RGS7BP: variants seen among roughly 807,000 people sequenced by gnomAD.
RGS7BP encodes the protein regulator of G protein signaling 7-binding protein.
Under a neutral mutation model 31.3 loss-of-function variants are expected in RGS7BP, and 9 were observed. The observed-to-expected ratio is 0.29, with a 90% CI of 0.17 to 0.50. The LOEUF (loss-of-function observed/expected upper bound fraction) is 0.50, where lower values mean the gene tolerates loss of function less well. RGS7BP is among the 20% of genes least tolerant of loss of function. The pLI, the probability that RGS7BP is intolerant of heterozygous loss-of-function variation, is 0.98. For synonymous variants in RGS7BP, 115 were observed against 120.1 expected (o/e 0.96, Z 0.28); for missense variants, 274 against 322.0 (o/e 0.85, Z 1.14).
intron 4 of RGS7BP, 49 bp from the exon 5 acceptor site, chr5:64,598,316 A>G: frequency 9.1e-7 from 1 of 1,101,494 alleles, no homozygotes; most frequent in East Asian, 2.4e-5. Flanking sequence ...TTGAGATTTC[A>G]TTTTGAAAAT....
At chr5:64,552,736 C>T (rs1183491365) in intron 2 of RGS7BP, among the ~76,000 whole-genome samples, 1 of 152,072 alleles carries the variant, frequency 6.6e-6, no homozygotes, top group Non-Finnish European at 1.5e-5. Context: ...AATTTAGAGG[C>T]TTTTGATTCT....
intron 3 of RGS7BP, 40 bp from the exon 4 acceptor site, chr5:64,594,670 C>G: frequency 6.2e-7 from 1 of 1,610,024 alleles, no homozygotes; most frequent in East Asian, 2.2e-5. Context: ...TTTATGATTT[C>G]TTTTTCCTCT....
At chr5:64,558,509 C>G (rs559376234) in intron 2 of RGS7BP, among the ~76,000 whole-genome samples, 1 of 152,132 alleles carries the variant, frequency 6.6e-6, no homozygotes, top group Non-Finnish European at 1.5e-5. Flanking sequence ...CCTTCATAAG[C>G]TGAGGATGTA....
chr5:64,566,887 G>A (rs1742182386), intron 2 of RGS7BP, among the ~76,000 whole-genome samples: 1 of 152,014 alleles, frequency 6.6e-6, no homozygotes, highest in Non-Finnish European at 1.5e-5. Flanking sequence ...TTTCAGGCCT[G>A]TGTGGTCCAT....
intron 2 of RGS7BP, among the ~76,000 whole-genome samples, chr5:64,517,061 G>C (rs1748996850): frequency 6.6e-6 from 1 of 150,630 alleles, no homozygotes; most frequent in Admixed American, 6.6e-5. Flanking sequence ...ATTCGGAACT[G>C]GTACAGTGGC....
At chr5:64,559,792 C>A (rs1342560487) in intron 2 of RGS7BP, among the ~76,000 whole-genome samples, 2 of 152,116 alleles carry the variant, frequency 1.3e-5, no homozygotes, top group Non-Finnish European at 2.9e-5. Context: ...TATTTTAATA[C>A]TGTGTTGTTC....
chr5:64,516,439 G>A (rs571562870), intron 2 of RGS7BP, among the ~76,000 whole-genome samples: 14 of 152,214 alleles, frequency 9.2e-5, no homozygotes, highest in African/African-American at 3.1e-4. Context: ...ATCAGCTGTT[G>A]TAGTACGTCC....
intron 2 of RGS7BP, among the ~76,000 whole-genome samples, chr5:64,532,084 G>A (rs778845533): frequency 5.9e-5 from 9 of 151,890 alleles, no homozygotes; most frequent in East Asian, 3.9e-4. Flanking sequence ...GAAAGATTTC[G>A]TTTCATAAGT....
At chr5:64,591,938 A>G (rs1332292010) in intron 3 of RGS7BP, among the ~76,000 whole-genome samples, 3 of 152,208 alleles carry the variant, frequency 2.0e-5, no homozygotes, top group Non-Finnish European at 2.9e-5. Flanking sequence ...AAGATTACCT[A>G]TGAAGTTTGG....
In RGS7BP at chr5:64,556,850, G is replaced by GTTTT. The variant is rs1741941301; in HGVS notation, c.333-18923_333-18922insTTTT. Among the ~76,000 whole-genome samples, 2 of 151,862 alleles carry GTTTT rather than the reference G, an allele frequency of 1.3e-5. 1 individual carries two copies. Among genetic ancestry groups the GTTTT allele is most frequent in the South Asian group, 4.1e-4 (2 of 4,826 alleles). ...TCTCTGTGTGTGTGTGCCTCTGTGT[G>GTTTT]TGTAAAAGAAAGAATAGAGTGCTGA... On this transcript the variant is annotated intron_variant, in intron 2 of 5. Transcript: ENST00000334025.
At chr5:64,544,326 A>AT (rs1741595014) in intron 2 of RGS7BP, among the ~76,000 whole-genome samples, 1 of 152,102 alleles carries the variant, frequency 6.6e-6, no homozygotes, top group Non-Finnish European at 1.5e-5. Context: ...CTGGTTAGAG[A>AT]TTTTAGGGAG....
At chr5:64,599,542 G>A (rs1743166752) in intron 5 of RGS7BP, among the ~76,000 whole-genome samples, 1 of 152,162 alleles carries the variant, frequency 6.6e-6, no homozygotes, top group African/African-American at 2.4e-5. Context: ...CAGGGGTGGA[G>A]GTCAGAAAAT....
chr5:64,608,236 A>T (rs548401444), intron 5 of RGS7BP, among the ~76,000 whole-genome samples: 3 of 152,128 alleles, frequency 2.0e-5, no homozygotes, highest in Middle Eastern at 3.4e-3. Context: ...TGCCTCTGGG[A>T]CCCACATTGA....
At chr5:64,535,331 C>T (rs559626377) in intron 2 of RGS7BP, among the ~76,000 whole-genome samples, 176 of 152,246 alleles carry the variant, frequency 1.2e-3, no homozygotes, top group Middle Eastern at 3.4e-3. Context: ...CAAGTGTATA[C>T]ACTAGATGCC....
At chr5:64,530,230 G>A (rs1580400978) in intron 2 of RGS7BP, among the ~76,000 whole-genome samples, 1 of 152,178 alleles carries the variant, frequency 6.6e-6, no homozygotes, top group East Asian at 1.9e-4. Context: ...CACATTGGAA[G>A]TAATGACATA....
intron 2 of RGS7BP, among the ~76,000 whole-genome samples, chr5:64,565,687 C>A (rs933017098): frequency 2.6e-5 from 4 of 151,976 alleles, no homozygotes; most frequent in Non-Finnish European, 4.4e-5. Flanking sequence ...AGGTACCAGA[C>A]AACATGTTAA....
At chr5:64,513,625 C>T (rs1415293698) in intron 2 of RGS7BP, among the ~76,000 whole-genome samples, 1 of 152,222 alleles carries the variant, frequency 6.6e-6, no homozygotes, top group African/African-American at 2.4e-5. Flanking sequence ...GGAAGAAGAG[C>T]TCGGTGACCA....
intron 3 of RGS7BP, among the ~76,000 whole-genome samples, chr5:64,586,883 T>C (rs1443569880): frequency 7.2e-6 from 1 of 139,582 alleles, no homozygotes; most frequent in Non-Finnish European, 1.6e-5. Context: ...ACTGAAATAA[T>C]GGAAAAACAT....
chr5:64,533,668 A>G (rs1374461578), intron 2 of RGS7BP, among the ~76,000 whole-genome samples: 1 of 152,218 alleles, frequency 6.6e-6, no homozygotes, highest in Non-Finnish European at 1.5e-5. Flanking sequence ...AGTATGTACA[A>G]GAGACCCAGA....
Sources: gnomAD v4.1 joint callset for allele counts (sites outside exome capture counted in the v4.1 genomes callset) on GRCh38, gnomAD v4.1.1 for gene constraint, MANE v1.5 for transcripts, NCBI Gene and HGNC (gene_info 2026-07-23, HGNC 2026-07-21) for gene names.